SLC35F1: variants seen among roughly 807,000 people sequenced by gnomAD.
SLC35F1 encodes the protein chromosome 6 open reading frame 169.
A neutral mutation model predicts 48.7 loss-of-function variants in SLC35F1; 14 were observed. The observed-to-expected ratio is 0.29, with a 90% CI of 0.19 to 0.45. The LOEUF (loss-of-function observed/expected upper bound fraction) is 0.45, where lower values mean the gene tolerates loss of function less well. Ranked by LOEUF, SLC35F1 falls within the 20% of genes least tolerant of loss-of-function variation. The probability of loss-of-function intolerance (pLI) is 1.00; values close to 1 mark genes in which losing one functional copy is unlikely to be tolerated. For missense variants in SLC35F1, 404 were observed against 500.0 expected (o/e 0.81, Z 1.83); for synonymous variants, 190 against 202.2 (o/e 0.94, Z 0.51).
intron 1 of SLC35F1, among the ~76,000 whole-genome samples, chr6:118,019,044 A>C (rs1777358665): frequency 6.6e-6 from 1 of 152,152 alleles, no homozygotes; most frequent in Non-Finnish European, 1.5e-5. Context: ...GCTATTCTTC[A>C]CGTATCTTTT....
chr6:117,965,349 T>C (rs1010151993), intron 1 of SLC35F1, among the ~76,000 whole-genome samples: 2 of 152,154 alleles, frequency 1.3e-5, no homozygotes, highest in Non-Finnish European at 2.9e-5. Context: ...AACCAAGTGG[T>C]AGGAGCAAAC....
chr6:118,260,163 A>C (rs1204096210), intron 3 of SLC35F1, among the ~76,000 whole-genome samples: 5 of 152,160 alleles, frequency 3.3e-5, no homozygotes, highest in Admixed American at 6.5e-5. Context: ...TGAAATAGTC[A>C]GAATAGGTAA....
At chr6:117,949,995 C>T (rs112133108) in intron 1 of SLC35F1, among the ~76,000 whole-genome samples, 65 of 152,278 alleles carry the variant, frequency 4.3e-4, no homozygotes, top group African/African-American at 1.5e-3. Flanking sequence ...TTGAGTAGCT[C>T]TTTTGGTGTA....
chr6:118,215,059 G>C (rs1402780177), intron 2 of SLC35F1, among the ~76,000 whole-genome samples: 1 of 152,130 alleles, frequency 6.6e-6, no homozygotes, highest in Non-Finnish European at 1.5e-5. Context: ...GGTATCAGGA[G>C]GCAAAGGAGA....
intron 7 of SLC35F1, among the ~76,000 whole-genome samples, chr6:118,301,220 C>T (rs1203803231): frequency 6.6e-6 from 1 of 152,132 alleles, no homozygotes; most frequent in Non-Finnish European, 1.5e-5. Context: ...TCACAGGAAA[C>T]ATTGAAGTTT....
rs114821857 is a variant in SLC35F1, at chr6:118,284,264, T to C, written c.848-920T>C. Reference sequence around the variant, plus strand: ...ATTCCTTTGGAAAGGTTATTTTTATTATGTTGTAATACCAAGGCAGACACT... The same window carrying C: ...ATTCCTTTGGAAAGGTTATTTTTATCATGTTGTAATACCAAGGCAGACACT... On this transcript the variant is annotated intron_variant, in intron 6 of 7. Transcript: ENST00000360388. 5.4e-3 allele frequency among the ~76,000 whole-genome samples: 815 copies of C among 152,336 alleles called. 7 individuals are homozygous for C. The highest frequency in any genetic ancestry group is 0.018 in the African/African-American group (757 of 41,572).
intron 2 of SLC35F1, among the ~76,000 whole-genome samples, chr6:118,183,624 A>G (rs1774616290): frequency 1.3e-5 from 2 of 152,166 alleles, no homozygotes; most frequent in Non-Finnish European, 2.9e-5. Context: ...CCCTTTAAAT[A>G]ATAAGTCCTT....
Position 118,314,260 on chromosome 6 carries a change from C to T in SLC35F1, c.*8C>T. The T allele has an allele frequency of 6.2e-7, 1 of 1,613,274 alleles. No individual in the cohort carries two copies. ...CATGTTCGTGTGGCCTAGGGTGAGG[C>T]CCGCCCTGCCAACTGAGGCCAACTC... On this transcript the variant is annotated 3_prime_UTR_variant, in exon 8 of 8. Coordinates refer to ENST00000360388, the MANE Select transcript of SLC35F1 (RefSeq NM_001029858.4).
In SLC35F1 at chr6:118,099,218, A is replaced by G. The variant is rs117814482; in HGVS notation, c.174-55227A>G. 5.9e-5 allele frequency among the ~76,000 whole-genome samples: 9 copies of G among 152,324 alleles called. No homozygotes were observed. The East Asian group carries it at 1.7e-3, about 29-fold the overall frequency. ...GCAACCTCACTTGCTGTGAAAAATCATCTAGAGTAGTGGTTCTCAAACTTA... is the reference window on the plus strand; with the variant it reads ...GCAACCTCACTTGCTGTGAAAAATCGTCTAGAGTAGTGGTTCTCAAACTTA... On this transcript the variant is annotated intron_variant, in intron 1 of 7. Transcript: ENST00000360388.
At chr6:117,946,249 A>G (rs1416137033) in intron 1 of SLC35F1, among the ~76,000 whole-genome samples, 1 of 152,182 alleles carries the variant, frequency 6.6e-6, no homozygotes, top group Non-Finnish European at 1.5e-5. Flanking sequence ...CTACTCCCAA[A>G]AATATGGATT....
intron 1 of SLC35F1, among the ~76,000 whole-genome samples, chr6:118,043,476 AAAT>A: frequency 6.6e-6 from 1 of 152,198 alleles, no homozygotes; most frequent in Admixed American, 6.5e-5. Flanking sequence ...CATGGCATGT[AAAT>A]GGTACCTTTT....
intron 2 of SLC35F1, among the ~76,000 whole-genome samples, chr6:118,207,760 C>A (rs1774954259): frequency 6.6e-6 from 1 of 152,108 alleles, no homozygotes; most frequent in African/African-American, 2.4e-5. Context: ...CCACCTCGGC[C>A]CTCCCCCTCA....
intron 1 of SLC35F1, among the ~76,000 whole-genome samples, chr6:117,918,023 T>C (rs973704085): frequency 2.0e-5 from 3 of 151,874 alleles, no homozygotes; most frequent in Non-Finnish European, 2.9e-5. Flanking sequence ...CTGAGAGTAA[T>C]TGAGGAAAGG....
chr6:117,959,497 A>G (rs1351939975), intron 1 of SLC35F1, among the ~76,000 whole-genome samples: 3 of 152,218 alleles, frequency 2.0e-5, no homozygotes, highest in Non-Finnish European at 4.4e-5. Context: ...CCCAATGCTC[A>G]GCGTGTCATA....
intron 1 of SLC35F1, among the ~76,000 whole-genome samples, chr6:118,114,194 A>G (rs1773445703): frequency 6.6e-6 from 1 of 152,194 alleles, no homozygotes. Flanking sequence ...GGCTTGAACT[A>G]GGCTGTGTTG....
At chr6:118,121,884 C>T (rs1054530608) in intron 1 of SLC35F1, among the ~76,000 whole-genome samples, 1 of 152,058 alleles carries the variant, frequency 6.6e-6, no homozygotes, top group African/African-American at 2.4e-5. Flanking sequence ...AATGACAGCT[C>T]AGTTGGGGAT....
At chr6:117,928,214 G>A (rs1582568235) in intron 1 of SLC35F1, among the ~76,000 whole-genome samples, 1 of 152,136 alleles carries the variant, frequency 6.6e-6, no homozygotes, top group African/African-American at 2.4e-5. Flanking sequence ...ATAAATGAGA[G>A]CGAATATAGA....
intron 6 of SLC35F1, among the ~76,000 whole-genome samples, chr6:118,278,471 A>C (rs1258957490): frequency 6.6e-6 from 1 of 152,190 alleles, no homozygotes; most frequent in Non-Finnish European, 1.5e-5. Flanking sequence ...ACCTGTCCCC[A>C]TCCCCTAAGC....
At chr6:118,040,807 G>A (rs912446073) in intron 1 of SLC35F1, among the ~76,000 whole-genome samples, 3 of 151,410 alleles carry the variant, frequency 2.0e-5, no homozygotes, top group Admixed American at 6.6e-5. Flanking sequence ...TATATGTCCT[G>A]AAGTCATAGT....
Sources: gnomAD v4.1 joint callset for allele counts (sites outside exome capture counted in the v4.1 genomes callset) on GRCh38, gnomAD v4.1.1 for gene constraint, MANE v1.5 for transcripts, NCBI Gene and HGNC (gene_info 2026-07-23, HGNC 2026-07-21) for gene names.